The following NEMF variants were observed in gnomAD, a reference collection of about 807,000 sequenced individuals.
The protein encoded by NEMF is ribosome quality control complex subunit NEMF.
A neutral mutation model predicts 162.2 loss-of-function variants in NEMF; 89 were observed. The observed-to-expected ratio is 0.55, with a 90% CI of 0.46 to 0.65. NEMF has a LOEUF of 0.65. NEMF is among the 30% of genes least tolerant of loss of function. The probability of loss-of-function intolerance (pLI) is 0.00; values close to 1 mark genes in which losing one functional copy is unlikely to be tolerated. For synonymous variants in NEMF, 421 were observed against 404.5 expected (o/e 1.04, Z -0.49); for missense variants, 1,133 against 1,261.9 (o/e 0.90, Z 1.55).
intron 3 of NEMF, among the ~76,000 whole-genome samples, chr14:49,846,490 G>C (rs12432666): frequency 0.13 from 19,957 of 152,196 alleles, 1,725 homozygotes; most frequent in South Asian, 0.29. Flanking sequence ...TTTTAAGACA[G>C]GGTCTCACTC....
intron 26 of NEMF, among the ~76,000 whole-genome samples, chr14:49,795,396 G>A (rs905954846): frequency 2.0e-5 from 3 of 152,056 alleles, no homozygotes; most frequent in Admixed American, 2.0e-4. Context: ...AGTGTGGAAA[G>A]AGTATGTTCT....
At chr14:49,807,736 G>T (rs1407925903) in intron 18 of NEMF, among the ~76,000 whole-genome samples, 6 of 151,552 alleles carry the variant, frequency 4.0e-5, no homozygotes, top group Non-Finnish European at 8.8e-5. Flanking sequence ...TGGGATTACA[G>T]GCATGCACCA....
chr14:49,821,807 G>A (rs8020428), intron 16 of NEMF, among the ~76,000 whole-genome samples: 116,479 of 150,678 alleles, frequency 0.77, 45,475 homozygotes, highest in East Asian at 0.98. Flanking sequence ...TCTGGGAGGA[G>A]GTACCCAACA....
intron 26 of NEMF, 22 bp downstream of exon 26, chr14:49,795,767 CAT>C: frequency 6.3e-7 from 1 of 1,588,592 alleles, no homozygotes; most frequent in Non-Finnish European, 8.5e-7. Flanking sequence ...AACTGTGAAC[CAT>C]ATAGATCATC....
chr14:49,841,083 G>A (rs1051508365), intron 4 of NEMF, among the ~76,000 whole-genome samples: 8 of 150,758 alleles, frequency 5.3e-5, no homozygotes, highest in African/African-American at 2.0e-4. Flanking sequence ...TATAATCCCA[G>A]CTACTTGGGA....
At chr14:49,801,498 A>G (rs1226910436) in intron 22 of NEMF, 1 of 152,144 alleles carries the variant, frequency 6.6e-6, no homozygotes, top group Admixed American at 6.6e-5. Flanking sequence ...GGGGGAAAAA[A>G]AAAAAGAAAA....
rs1893496651 is a variant in NEMF at position 49,846,273 on chromosome 14, G to A, written c.232-8C>T. The A allele has an allele frequency of 1.2e-6, 2 of 1,606,252 alleles. No homozygotes were observed. The highest frequency in any genetic ancestry group is 1.8e-5 in the Admixed American group (1 of 56,966). ...CTTCAAATGTTTTCGGCACTAGCAA[G>A]AGAAAGAAAAAGGCATTCATTTAGT... On this transcript the variant is annotated splice_polypyrimidine_tract_variant and splice_region_variant and intron_variant, in intron 3 of 32. Coordinates refer to ENST00000298310, the MANE Select transcript of NEMF (RefSeq NM_004713.6).
At chr14:49,839,779 G>A (rs936547216) in intron 5 of NEMF, 1 of 152,256 alleles carries the variant, frequency 6.6e-6, no homozygotes, top group South Asian at 2.1e-4. Context: ...AGATTAGCAC[G>A]ACCCCTGCAC....
rs1278694089 is a variant in NEMF, at chr14:49,783,801, T to C, written c.*835A>G. 1 of 152,040 alleles carries C rather than the reference T, an allele frequency of 6.6e-6. No individual in the cohort carries two copies. Among genetic ancestry groups the C allele is most frequent in the Non-Finnish European group, 1.5e-5 (1 of 67,988 alleles). The allele number at this position is 152,040 out of a possible 1,614,324, so 9.4% of individuals were successfully genotyped here. ...CTGAAGGTCTACAAATGAATAGAAA[T>C]GATTAAGCTGAGTCATGAGAATTAT... On this transcript the variant is annotated 3_prime_UTR_variant, in exon 33 of 33. Transcript: ENST00000298310.
At chr14:49,796,109 A>T (rs1356486186) in intron 25 of NEMF, 165 bp from the exon 26 acceptor site, 5 of 626,614 alleles carry the variant, frequency 8.0e-6, no homozygotes, top group Non-Finnish European at 1.4e-5. Flanking sequence ...TAAAATCATC[A>T]TGTGGGAAAA....
At position 49,782,600 on chromosome 14, in the gene NEMF, T is replaced by G; in HGVS notation, c.*2036A>C. The G allele has an allele frequency of 6.3e-7, 1 of 1,595,866 alleles. No individual in the cohort carries two copies. The highest frequency in any genetic ancestry group is 1.1e-5 in the South Asian group (1 of 89,480). The stretch of plus-strand genomic sequence containing the variant: ...CAACCAAAATCTCTTGTACGGTAAG[T>G]AACTTTGTACTTGGCACTTAGATTA... On this transcript the variant is annotated 3_prime_UTR_variant, in exon 33 of 33. Transcript: ENST00000298310.
Position 49,843,756 on chromosome 14 carries a change from C to T in NEMF, c.357+2384G>A, listed in dbSNP as rs72680036. ...AATACAATAGCAAGTATTTGTGTAT[C>T]TAAGTACATCTAAATATAGAAAAAG... On this transcript the variant is annotated intron_variant, in intron 4 of 32. Transcript: ENST00000298310. Among the ~76,000 whole-genome samples, 104 of 152,238 alleles carry T rather than the reference C, an allele frequency of 6.8e-4. 1 individual carries two copies. In the Middle Eastern group the frequency reaches 0.017, roughly 25 times the overall value.
intron 26 of NEMF, among the ~76,000 whole-genome samples, chr14:49,794,620 A>T (rs1486441127): frequency 1.6e-5 from 2 of 123,474 alleles, no homozygotes; most frequent in East Asian, 5.0e-4. Context: ...CCCTGTCTCT[A>T]AAAAAAAAAA....
intron 26 of NEMF, among the ~76,000 whole-genome samples, chr14:49,793,272 C>CT (rs1289880751): frequency 6.6e-6 from 1 of 152,168 alleles, no homozygotes; most frequent in African/African-American, 2.4e-5. Flanking sequence ...GACGATATGA[C>CT]TGCCTACAGA....
intron 6 of NEMF, among the ~76,000 whole-genome samples, chr14:49,837,815 TA>T (rs10709373): frequency 0.76 from 93,099 of 122,750 alleles, 34,459 homozygotes; most frequent in East Asian, 0.96. Flanking sequence ...ACCCACCAAT[TA>T]AAAAAAAAAA....
chr14:49,838,331 A>T, intron 5 of NEMF, 125 bp from the exon 6 acceptor site: 1 of 716,040 alleles, frequency 1.4e-6, no homozygotes, highest in Non-Finnish European at 2.4e-6. Context: ...ACGTAACAGG[A>T]ATTCATTCTT....
At chr14:49,813,338 G>A (rs755007223) in intron 18 of NEMF, among the ~76,000 whole-genome samples, 6 of 152,124 alleles carry the variant, frequency 3.9e-5, no homozygotes, top group Admixed American at 1.3e-4. Context: ...AAACACTCTG[G>A]TCCCAAGCAT....
chr14:49,852,770 C>G lies in NEMF; in HGVS notation c.-17G>C. The G allele has an allele frequency of 6.2e-7, 1 of 1,614,156 alleles. No homozygotes were observed. Among genetic ancestry groups the G allele is most frequent in the South Asian group, 1.1e-5 (1 of 91,082 alleles). Reference sequence around the variant, plus strand: ...GCTCTTCATGGCGAGGCCCGAGGGTCACTACCGCAAGTTCCTCTACTGCCC... The same window carrying G: ...GCTCTTCATGGCGAGGCCCGAGGGTGACTACCGCAAGTTCCTCTACTGCCC... On this transcript the variant is annotated 5_prime_UTR_variant, in exon 1 of 33. Coordinates refer to ENST00000298310, the MANE Select transcript of NEMF (RefSeq NM_004713.6).
At chr14:49,792,688 T>C (rs1890509549) in intron 26 of NEMF, among the ~76,000 whole-genome samples, 1 of 152,188 alleles carries the variant, frequency 6.6e-6, no homozygotes, top group Non-Finnish European at 1.5e-5. Context: ...ACAGATAAAA[T>C]AATACAATAG....
Sources: gnomAD v4.1 joint callset for allele counts (sites outside exome capture counted in the v4.1 genomes callset) on GRCh38, gnomAD v4.1.1 for gene constraint, MANE v1.5 for transcripts, NCBI Gene and HGNC (gene_info 2026-07-23, HGNC 2026-07-21) for gene names.